The following TOX2 variants were observed in gnomAD, a reference collection of about 807,000 sequenced individuals.
TOX2 encodes granulosa cell HMG box 1.
TOX2 carries 15 observed loss-of-function variants against 47.4 expected under a neutral mutation model. The observed-to-expected ratio is 0.32, with a 90% CI of 0.21 to 0.49. The LOEUF is 0.49. Ranked by LOEUF, TOX2 falls within the 20% of genes least tolerant of loss-of-function variation. TOX2 has a pLI of 0.99. For synonymous variants in TOX2, 290 were observed against 296.6 expected, an observed-to-expected ratio of 0.98 and a Z score of 0.23; for missense variants, 622 against 673.1, an observed-to-expected ratio of 0.92 and a Z score of 0.84.
chr20:44,064,567 A>G (rs568802982), intron 5 of TOX2, among the ~76,000 whole-genome samples: 53 of 152,294 alleles, frequency 3.5e-4, no homozygotes, highest in African/African-American at 1.3e-3. Flanking sequence ...CCACACAGTG[A>G]CTTGGCTGAG....
intron 1 of TOX2, among the ~76,000 whole-genome samples, chr20:43,962,829 C>G (rs928530410): frequency 3.9e-5 from 6 of 152,148 alleles, no homozygotes; most frequent in Non-Finnish European, 8.8e-5. Context: ...AGGCCACATA[C>G]ATGATTTTAA....
At chr20:44,020,192 C>T (rs544538571) in intron 3 of TOX2, among the ~76,000 whole-genome samples, 1 of 152,324 alleles carries the variant, frequency 6.6e-6, no homozygotes, top group South Asian at 2.1e-4. Context: ...AGCACTGCAG[C>T]GTGGATTAGG....
At chr20:43,970,500 A>T (rs1465706244) in intron 1 of TOX2, among the ~76,000 whole-genome samples, 1 of 151,674 alleles carries the variant, frequency 6.6e-6, no homozygotes, top group African/African-American at 2.4e-5. Context: ...TCTGTTTCTC[A>T]TGCATATTCC....
In TOX2 at chr20:43,984,993, A is replaced by G. The variant is rs942889911; in HGVS notation, c.165+11561A>G. 1.9e-4 allele frequency among the ~76,000 whole-genome samples: 29 copies of G among 152,240 alleles called. No homozygotes were observed. In the East Asian group the frequency reaches 5.2e-3, roughly 27 times the overall value. ...GAGGGTCAGAGAATGAAGATTTTAT[A>G]CATTGTTCATTGCTGTGTGTGAGCT... is the stretch of plus-strand genomic sequence containing the variant. On this transcript the variant is annotated intron_variant, in intron 2 of 8. Coordinates refer to ENST00000341197, the MANE Select transcript of TOX2 (RefSeq NM_001098797.2).
intron 3 of TOX2, among the ~76,000 whole-genome samples, chr20:44,023,552 A>G (rs906932206): frequency 1.1e-4 from 17 of 152,198 alleles, no homozygotes; most frequent in African/African-American, 2.4e-5. Context: ...GGCCAGGCCA[A>G]TGGGGAGTCC....
At chr20:44,065,591 C>T (rs1476662406) in intron 6 of TOX2, 121 bp from the exon 7 acceptor site, 14 of 1,227,772 alleles carry the variant, frequency 1.1e-5, no homozygotes, top group Non-Finnish European at 1.5e-5. Flanking sequence ...AGTCCAAGCT[C>T]TCTCCCAAGA....
intron 1 of TOX2, among the ~76,000 whole-genome samples, chr20:43,932,265 CG>C (rs1419754954): frequency 1.3e-5 from 2 of 152,182 alleles, no homozygotes; most frequent in Admixed American, 1.3e-4. Context: ...TTATTACCTT[CG>C]GAACACCCTT....
chr20:43,934,735 C>T (rs1172209039), intron 1 of TOX2, among the ~76,000 whole-genome samples: 1 of 151,988 alleles, frequency 6.6e-6, no homozygotes, highest in Non-Finnish European at 1.5e-5. Flanking sequence ...CCCATCCCAA[C>T]TCTGAGCCAG....
intron 1 of TOX2, among the ~76,000 whole-genome samples, chr20:43,961,493 G>A (rs1476830167): frequency 1.3e-5 from 2 of 152,146 alleles, no homozygotes; most frequent in Admixed American, 6.5e-5. Flanking sequence ...TACCCATCAT[G>A]GTCCCCACTG....
intron 1 of TOX2, among the ~76,000 whole-genome samples, chr20:43,932,775 C>CG (rs1555830021): frequency 7.5e-6 from 1 of 134,070 alleles, no homozygotes; most frequent in African/African-American, 3.3e-5. Flanking sequence ...GGGGTTGCTG[C>CG]CCCCCCCCGC....
In TOX2 at chr20:43,951,707, G is replaced by GTTTTTTTTTTTT. The variant is rs59829203; in HGVS notation, c.100-21650_100-21639dup. ...TGACCATTACTATTAAACTTATTAT[G>GTTTTTTTTTTTT]TTTTTTTTTTTTTTTTTTTTTAGAG... On this transcript the variant is annotated intron_variant, in intron 1 of 8. Coordinates refer to ENST00000341197, the MANE Select transcript of TOX2 (RefSeq NM_001098797.2). 3.0e-3 allele frequency among the ~76,000 whole-genome samples: 166 copies of GTTTTTTTTTTTT among 55,084 alleles called. 41 individuals are homozygous for GTTTTTTTTTTTT. The highest frequency in any genetic ancestry group is 5.2e-3 in the Non-Finnish European group (132 of 25,568). The allele number at this position is 55,084 out of a possible 152,430, so 36.1% of individuals were successfully genotyped here.
intron 1 of TOX2, among the ~76,000 whole-genome samples, chr20:43,955,676 T>G (rs2069655664): frequency 1.3e-5 from 2 of 152,208 alleles, no homozygotes; most frequent in Admixed American, 1.3e-4. Flanking sequence ...AAGGCCGTAT[T>G]CTGCATAACA....
chr20:43,985,815 G>A (rs1003570606), intron 2 of TOX2, among the ~76,000 whole-genome samples: 1 of 152,006 alleles, frequency 6.6e-6, no homozygotes, highest in African/African-American at 2.4e-5. Context: ...CGGTGGCGCC[G>A]AGCTCATAGT....
chr20:43,952,720 G>A (rs2069601645), intron 1 of TOX2, among the ~76,000 whole-genome samples: 1 of 152,198 alleles, frequency 6.6e-6, no homozygotes, highest in South Asian at 2.1e-4. Context: ...ATATTGGAGA[G>A]CAGTAGTAAA....
chr20:43,998,461 C>T (rs903453344), intron 2 of TOX2, among the ~76,000 whole-genome samples: 2 of 152,146 alleles, frequency 1.3e-5, no homozygotes, highest in African/African-American at 2.4e-5. Context: ...GAGTGAATTG[C>T]GTCATTCAGA....
intron 1 of TOX2, among the ~76,000 whole-genome samples, chr20:43,931,241 C>G (rs1343140088): frequency 6.6e-6 from 1 of 152,136 alleles, no homozygotes; most frequent in Non-Finnish European, 1.5e-5. Flanking sequence ...TGGGCTCAAG[C>G]GATCCTCCTG....
At chr20:43,980,091 A>G (rs1275276983) in intron 2 of TOX2, among the ~76,000 whole-genome samples, 2 of 152,248 alleles carry the variant, frequency 1.3e-5, no homozygotes, top group Non-Finnish European at 2.9e-5. Context: ...TTGTTGCAGC[A>G]CTGTTCACAA....
chr20:43,962,619 A>G (rs2069782488), intron 1 of TOX2, among the ~76,000 whole-genome samples: 2 of 152,202 alleles, frequency 1.3e-5, no homozygotes, highest in South Asian at 4.1e-4. Context: ...TGTTGGATGA[A>G]TGAATGCCTC....
chr20:43,938,388 C>T (rs1024434444), intron 1 of TOX2, among the ~76,000 whole-genome samples: 1 of 152,172 alleles, frequency 6.6e-6, no homozygotes, highest in Admixed American at 6.5e-5. Flanking sequence ...GGTTTCCATT[C>T]AACCTCAGAT....
Sources: allele counts gnomAD v4.1 joint callset (sites outside exome capture counted in the v4.1 genomes callset), GRCh38; gene constraint gnomAD v4.1.1; transcripts MANE v1.5; gene names NCBI Gene and HGNC (gene_info 2026-07-23, HGNC 2026-07-21).